The following ZNF407 variants were observed in gnomAD, a reference collection of about 807,000 sequenced individuals.
ZNF407 encodes zinc finger protein 407.
In ZNF407, 17 loss-of-function variants were observed where a neutral mutation model predicts 131.2. The observed-to-expected ratio is 0.13, with a 90% CI of 0.09 to 0.19. ZNF407 has a LOEUF of 0.19. Among genes scored for constraint, ZNF407 ranks in the 10% least tolerant of loss-of-function variants. The pLI, the probability that ZNF407 is intolerant of heterozygous loss-of-function variation, is 1.00. For missense variants in ZNF407, 2,681 were observed against 2,830.6 expected, an observed-to-expected ratio of 0.95 and a Z score of 1.20; for synonymous variants, 1,156 against 1,062.0, an observed-to-expected ratio of 1.09 and a Z score of -1.72.
chr18:74,766,812 G>A (rs1969244516), intron 3 of ZNF407, among the ~76,000 whole-genome samples: 1 of 152,148 alleles, frequency 6.6e-6, no homozygotes, highest in South Asian at 2.1e-4. Context: ...TTTAAAATGA[G>A]TTCTAAAGAT....
intron 7 of ZNF407, among the ~76,000 whole-genome samples, chr18:74,917,982 C>T (rs1055310541): frequency 6.6e-6 from 1 of 152,088 alleles, no homozygotes; most frequent in African/African-American, 2.4e-5. Flanking sequence ...CTGTAGAAAA[C>T]ATGTTGGAGA....
At chr18:74,684,609 A>G (rs1304864963) in intron 3 of ZNF407, among the ~76,000 whole-genome samples, 1 of 152,216 alleles carries the variant, frequency 6.6e-6, no homozygotes, top group Non-Finnish European at 1.5e-5. Flanking sequence ...ATCGTACTGT[A>G]AACCGAATTA....
chr18:75,064,108 G>A lies in ZNF407; in HGVS notation c.6387G>A (p.Gln2129=). The A allele has an allele frequency of 1.3e-6, 2 of 1,594,686 alleles. No homozygotes were observed. The highest frequency in any genetic ancestry group is 1.1e-5 in the South Asian group (1 of 87,828). ...EGAQIIMQEA[Q]GEHMDLVESD... ...CCCAGATCATCATGCAGGAGGCGCA[G>A]GGCGAGCACATGGATCTGGTGGAGT... The change falls in exon 9 of 9, where the codon CAG becomes CAA. Residue 2129 remains glutamine (Q), a synonymous_variant. Transcript: ENST00000299687.
intron 8 of ZNF407, among the ~76,000 whole-genome samples, chr18:75,004,475 C>T (rs911202498): frequency 6.6e-6 from 1 of 152,216 alleles, no homozygotes; most frequent in African/African-American, 2.4e-5. Flanking sequence ...AAGGAAAGGG[C>T]CATGCTGTTG....
intron 4 of ZNF407, among the ~76,000 whole-genome samples, chr18:74,798,008 A>G (rs1599161457): frequency 6.6e-6 from 1 of 152,146 alleles, no homozygotes; most frequent in East Asian, 1.9e-4. Flanking sequence ...AAGGGAAAGC[A>G]TGACTCACTA....
chr18:75,005,949 C>T (rs1415358329), intron 8 of ZNF407, among the ~76,000 whole-genome samples: 4 of 151,998 alleles, frequency 2.6e-5, no homozygotes, highest in Non-Finnish European at 5.9e-5. Flanking sequence ...TTTGATTCTT[C>T]GTTAGAACAT....
chr18:74,936,991 G>A (rs1006988617), intron 8 of ZNF407, among the ~76,000 whole-genome samples: 2 of 152,180 alleles, frequency 1.3e-5, no homozygotes, highest in African/African-American at 4.8e-5. Flanking sequence ...ATTCATTTGA[G>A]AAGTTATAAC....
intron 3 of ZNF407, among the ~76,000 whole-genome samples, chr18:74,679,709 A>G (rs896524038): frequency 3.3e-5 from 5 of 152,168 alleles, no homozygotes; most frequent in Admixed American, 6.5e-5. Flanking sequence ...GCATCTCCCC[A>G]TCATATATCT....
At chr18:74,710,074 C>T (rs1371786390) in intron 3 of ZNF407, among the ~76,000 whole-genome samples, 1 of 152,178 alleles carries the variant, frequency 6.6e-6, no homozygotes, top group Non-Finnish European at 1.5e-5. Context: ...AAACATGTCA[C>T]TTTCGATACA....
chr18:74,720,929 T>G (rs1417718402), intron 3 of ZNF407, among the ~76,000 whole-genome samples: 4 of 131,746 alleles, frequency 3.0e-5, no homozygotes, highest in African/African-American at 5.1e-5. Context: ...ACCTTCAGCT[T>G]TTTTTTTTTT....
intron 4 of ZNF407, among the ~76,000 whole-genome samples, chr18:74,857,466 G>A (rs1371642689): frequency 2.0e-5 from 3 of 151,970 alleles, no homozygotes; most frequent in African/African-American, 7.3e-5. Context: ...CACCTGTTAG[G>A]TGCTAGGCAC....
At position 75,063,036 on chromosome 18, in the gene ZNF407, A is replaced by C; in HGVS notation, c.5429-114A>C. On this transcript the variant is annotated intron_variant, in intron 8 of 8. Coordinates refer to ENST00000299687, the MANE Select transcript of ZNF407 (RefSeq NM_017757.3). This position sits in a 1 kb window ranked among gnomAD's most constrained non-coding sequence, Gnocchi z 6.6. Reference sequence around the variant, plus strand: ...CTGTAGAGAGCTCTTCAGGGTTTGGAATAGGGGGTCGTGGTGACTCTGCTG... The same window carrying C: ...CTGTAGAGAGCTCTTCAGGGTTTGGCATAGGGGGTCGTGGTGACTCTGCTG... The C allele has an allele frequency of 1.0e-6, 1 of 982,342 alleles. No individual in the cohort carries two copies. The highest frequency in any genetic ancestry group is 2.6e-5 in the Admixed American group (1 of 38,440). The allele number at this position is 982,342 out of a possible 1,614,324, so 60.9% of individuals were successfully genotyped here.
intron 8 of ZNF407, among the ~76,000 whole-genome samples, chr18:74,989,591 C>T (rs1478100864): frequency 6.6e-6 from 1 of 152,146 alleles, no homozygotes; most frequent in African/African-American, 2.4e-5. Flanking sequence ...CCTGTAATCC[C>T]AGCATTTTGG....
intron 3 of ZNF407, among the ~76,000 whole-genome samples, chr18:74,728,385 C>T: frequency 6.6e-6 from 1 of 152,056 alleles, no homozygotes; most frequent in East Asian, 1.9e-4. Context: ...GTGAGATGGA[C>T]CATAGCCCAG....
At chr18:74,864,359 G>A (rs188534917) in intron 4 of ZNF407, among the ~76,000 whole-genome samples, 4 of 152,184 alleles carry the variant, frequency 2.6e-5, no homozygotes, top group Admixed American at 6.5e-5. Flanking sequence ...ATTCTAACTC[G>A]ACTGACATGT....
rs552926519 is a variant in ZNF407 at position 74,986,696 on chromosome 18, T to C, written c.5428+66004T>C. ...CATATTATGTTACAATAAATGTAGA[T>C]AGCTGGAAGTAAATTCAGATTGTCC... On this transcript the variant is annotated intron_variant, in intron 8 of 8. Transcript: ENST00000299687. 1.4e-3 allele frequency among the ~76,000 whole-genome samples: 215 copies of C among 152,310 alleles called. 1 individual carries two copies. Among genetic ancestry groups the C allele is most frequent in the African/African-American group, 4.4e-3 (184 of 41,578 alleles).
intron 4 of ZNF407, among the ~76,000 whole-genome samples, chr18:74,832,223 G>A (rs1254979121): frequency 3.3e-5 from 5 of 152,086 alleles, no homozygotes; most frequent in Non-Finnish European, 7.4e-5. Context: ...ATATTAAGTG[G>A]TAACAATGAG....
At chr18:74,778,943 G>A (rs787907) in intron 3 of ZNF407, among the ~76,000 whole-genome samples, 2,308 of 151,506 alleles carry the variant, frequency 0.015, 67 homozygotes, top group African/African-American at 0.052. Flanking sequence ...TGTAGATTAT[G>A]TATATATATT....
At chr18:75,054,858 G>A (rs1973543003) in intron 8 of ZNF407, among the ~76,000 whole-genome samples, 1 of 152,240 alleles carries the variant, frequency 6.6e-6, no homozygotes, top group East Asian at 1.9e-4. Flanking sequence ...CTGAGGGACT[G>A]ACATTCCACA....
Sources: allele counts gnomAD v4.1 joint callset (sites outside exome capture counted in the v4.1 genomes callset), GRCh38; gene constraint gnomAD v4.1.1; non-coding constraint Gnocchi (gnomAD v3.1); transcripts MANE v1.5; gene names NCBI Gene and HGNC (gene_info 2026-07-23, HGNC 2026-07-21).